DIAPH3: variants seen among roughly 807,000 people sequenced by gnomAD.
DIAPH3 encodes the protein protein diaphanous homolog 3.
DIAPH3 carries 117 observed loss-of-function variants against 144.3 expected under a neutral mutation model. The ratio of observed to expected loss-of-function variants is 0.81; its 90% CI spans 0.70 to 0.95. The LOEUF (loss-of-function observed/expected upper bound fraction) is 0.95, where lower values mean the gene tolerates loss of function less well. Among genes scored for constraint, DIAPH3 ranks in the 40% least tolerant of loss-of-function variants. DIAPH3 has a pLI of 0.00. For missense variants in DIAPH3, 1,421 were observed against 1,412.7 expected, an observed-to-expected ratio of 1.01 and a Z score of -0.09; for synonymous variants, 519 against 488.9, an observed-to-expected ratio of 1.06 and a Z score of -0.81.
intron 20 of DIAPH3, among the ~76,000 whole-genome samples, chr13:59,886,332 C>T (rs1193848010): frequency 6.6e-6 from 1 of 152,030 alleles, no homozygotes; most frequent in Non-Finnish European, 1.5e-5. Context: ...CTATTTCTAA[C>T]CTTCTAGAAA....
At chr13:59,901,070 C>A (rs1235752165) in intron 20 of DIAPH3, among the ~76,000 whole-genome samples, 1 of 152,194 alleles carries the variant, frequency 6.6e-6, no homozygotes, top group African/African-American at 2.4e-5. Context: ...ATAATGAGAT[C>A]ATTGAAATAG....
intron 25 of DIAPH3, among the ~76,000 whole-genome samples, chr13:59,808,998 G>C (rs994066871): frequency 1.3e-5 from 2 of 152,114 alleles, no homozygotes; most frequent in African/African-American, 4.8e-5. Context: ...CTTCCTTAGG[G>C]AGACATAAAT....
chr13:60,162,805 T>TCACACA (rs1377370526), intron 1 of DIAPH3, among the ~76,000 whole-genome samples: 7 of 136,442 alleles, frequency 5.1e-5, no homozygotes, highest in African/African-American at 1.1e-4. Flanking sequence ...TCTCTCTCTC[T>TCACACA]CTCTCACACA....
At position 59,938,946 on chromosome 13, in the gene DIAPH3, T is replaced by C. The variant is rs886391593; in HGVS notation, c.2075-14076A>G. 3.9e-5 allele frequency among the ~76,000 whole-genome samples: 6 copies of C among 152,192 alleles called. No homozygotes were observed. The East Asian group carries it at 9.6e-4, about 24-fold the overall frequency. On this transcript the variant is annotated intron_variant, in intron 17 of 27. Transcript: ENST00000400324. ...GTACAGTTAAACATGGTTAAAACGG[T>C]AAAATTTTGTTATGTATTCTTAACC...
intron 20 of DIAPH3, among the ~76,000 whole-genome samples, chr13:59,910,950 A>G (rs918888969): frequency 6.6e-6 from 1 of 151,928 alleles, no homozygotes; most frequent in Non-Finnish European, 1.5e-5. Flanking sequence ...GCTATTAAGT[A>G]AATCAACCTG....
At chr13:59,731,618 A>G (rs1247287754) in intron 27 of DIAPH3, among the ~76,000 whole-genome samples, 2 of 152,192 alleles carry the variant, frequency 1.3e-5, no homozygotes, top group Non-Finnish European at 2.9e-5. Context: ...CTGTAATTAC[A>G]CTGATCACCA....
At chr13:59,707,875 T>C (rs568367937) in intron 27 of DIAPH3, among the ~76,000 whole-genome samples, 5 of 152,142 alleles carry the variant, frequency 3.3e-5, no homozygotes, top group African/African-American at 9.6e-5. Flanking sequence ...TAATCTCTCA[T>C]TCAAGGACAA....
intron 3 of DIAPH3, among the ~76,000 whole-genome samples, chr13:60,102,224 T>C (rs943278341): frequency 6.6e-6 from 1 of 152,220 alleles, no homozygotes; most frequent in Admixed American, 6.5e-5. Context: ...TATCCTCTTC[T>C]ATTTTATTTC....
intron 17 of DIAPH3, among the ~76,000 whole-genome samples, chr13:59,936,996 T>TA (rs2140359456): frequency 6.6e-6 from 1 of 152,086 alleles, no homozygotes; most frequent in Admixed American, 6.5e-5. Flanking sequence ...ACCCCATCTC[T>TA]ACTAAAAATA....
intron 20 of DIAPH3, among the ~76,000 whole-genome samples, chr13:59,897,770 GA>G (rs1015100461): frequency 7.0e-6 from 1 of 142,626 alleles, no homozygotes. Context: ...AAAAGAATAA[GA>G]AAAAAAAAGA....
At chr13:59,822,645 T>C (rs2041134043) in intron 24 of DIAPH3, among the ~76,000 whole-genome samples, 1 of 152,020 alleles carries the variant, frequency 6.6e-6, no homozygotes, top group East Asian at 1.9e-4. Flanking sequence ...GGTTTCACCA[T>C]GTTGTGCAGG....
chr13:59,941,854 C>CA (rs11420557), intron 17 of DIAPH3, among the ~76,000 whole-genome samples: 95,947 of 151,676 alleles, frequency 0.63, 31,120 homozygotes, highest in Admixed American at 0.71. Context: ...AGAAGGATGG[C>CA]AAAAAAAATC....
chr13:60,060,599 T>C (rs542538812), intron 4 of DIAPH3, among the ~76,000 whole-genome samples: 50 of 152,246 alleles, frequency 3.3e-4, no homozygotes, highest in African/African-American at 1.1e-3. Context: ...AAGAGTTGTG[T>C]TGTTCATTTG....
At chr13:59,789,124 A>C (rs994225721) in intron 25 of DIAPH3, among the ~76,000 whole-genome samples, 3 of 152,178 alleles carry the variant, frequency 2.0e-5, no homozygotes, top group Non-Finnish European at 2.9e-5. Context: ...AAAAGCACAG[A>C]ATGTCGGCGG....
intron 19 of DIAPH3, among the ~76,000 whole-genome samples, chr13:59,913,282 C>A (rs1361072167): frequency 6.6e-6 from 1 of 152,058 alleles, no homozygotes; most frequent in Non-Finnish European, 1.5e-5. Flanking sequence ...TTTTTAAGTG[C>A]GTGGTTCCAA....
At chr13:59,954,801 G>A (rs2049297156) in intron 17 of DIAPH3, among the ~76,000 whole-genome samples, 2 of 152,000 alleles carry the variant, frequency 1.3e-5, no homozygotes. Flanking sequence ...GGGAGTGAAG[G>A]GGAAGTAGCT....
intron 27 of DIAPH3, among the ~76,000 whole-genome samples, chr13:59,734,675 A>C (rs550513767): frequency 6.6e-6 from 1 of 152,314 alleles, no homozygotes; most frequent in Admixed American, 6.5e-5. Flanking sequence ...TTCTCATCTG[A>C]TAGCAACGAC....
intron 1 of DIAPH3, among the ~76,000 whole-genome samples, chr13:60,142,523 C>A (rs951313741): frequency 6.6e-6 from 1 of 152,036 alleles, no homozygotes; most frequent in Non-Finnish European, 1.5e-5. Flanking sequence ...TCTGAGGACC[C>A]CTCGGAAGTT....
intron 5 of DIAPH3, among the ~76,000 whole-genome samples, chr13:60,023,034 C>G (rs553202041): frequency 2.6e-5 from 4 of 152,194 alleles, no homozygotes; most frequent in African/African-American, 9.6e-5. Context: ...TCTGGTTTTG[C>G]TATCAGGTAA....
Sources: allele counts gnomAD v4.1 joint callset (sites outside exome capture counted in the v4.1 genomes callset), GRCh38; gene constraint gnomAD v4.1.1; transcripts MANE v1.5; gene names NCBI Gene and HGNC (gene_info 2026-07-23, HGNC 2026-07-21).